Variants in PDE4D observed in about 807,000 individuals in gnomAD.
PDE4D encodes 3',5'-cyclic-AMP phosphodiesterase 4D.
In PDE4D, 24 loss-of-function variants were observed where a neutral mutation model predicts 87.4. The ratio of observed to expected loss-of-function variants is 0.27; its 90% CI spans 0.20 to 0.39. The LOEUF is 0.39. PDE4D is among the 10% of genes least tolerant of loss of function. The probability of loss-of-function intolerance (pLI) is 1.00; values close to 1 mark genes in which losing one functional copy is unlikely to be tolerated. For synonymous variants in PDE4D, 384 were observed against 383.2 expected (o/e 1.00, Z -0.02); for missense variants, 714 against 1,041.0 (o/e 0.69, Z 4.32).
intron 3 of PDE4D, among the ~76,000 whole-genome samples, chr5:59,956,287 G>GC (rs1286365941): frequency 1.3e-5 from 2 of 152,118 alleles, no homozygotes; most frequent in African/African-American, 4.8e-5. Context: ...CCTGAACACA[G>GC]CCCCTTCCCC....
intron 5 of PDE4D, among the ~76,000 whole-genome samples, chr5:59,125,677 A>C (rs1171561487): frequency 6.6e-6 from 1 of 152,174 alleles, no homozygotes; most frequent in African/African-American, 2.4e-5. Flanking sequence ...CACTGCAGGA[A>C]ATGATCTGGA....
At chr5:59,866,382 C>T (rs997532711) in intron 1 of PDE4D, among the ~76,000 whole-genome samples, 2 of 152,050 alleles carry the variant, frequency 1.3e-5, no homozygotes, top group African/African-American at 4.8e-5. Flanking sequence ...AGAATAAGTG[C>T]TTTTTCATAT....
chr5:59,597,726 T>A (rs540730183), intron 1 of PDE4D, among the ~76,000 whole-genome samples: 26 of 152,242 alleles, frequency 1.7e-4, no homozygotes, highest in African/African-American at 6.3e-4. Flanking sequence ...TTTAGAATAA[T>A]TAATAGTTTC....
chr5:59,198,535 C>T (rs1581321301), intron 2 of PDE4D, among the ~76,000 whole-genome samples: 1 of 152,114 alleles, frequency 6.6e-6, no homozygotes, highest in Non-Finnish European at 1.5e-5. Context: ...TGTCACCTTC[C>T]CTGGTTACCA....
chr5:59,589,948 G>T (rs1206756209), intron 1 of PDE4D, among the ~76,000 whole-genome samples: 1 of 152,054 alleles, frequency 6.6e-6, no homozygotes, highest in Admixed American at 6.6e-5. Flanking sequence ...ACACAACTGA[G>T]AAACTATGAT....
intron 1 of PDE4D, among the ~76,000 whole-genome samples, chr5:60,519,947 A>G (rs1750961982): frequency 6.6e-6 from 1 of 152,226 alleles, no homozygotes; most frequent in Non-Finnish European, 1.5e-5. Context: ...CTTGGAGTAA[A>G]TGGATTTAAA....
At chr5:60,171,031 G>T (rs1390082610) in intron 2 of PDE4D, among the ~76,000 whole-genome samples, 3 of 151,980 alleles carry the variant, frequency 2.0e-5, no homozygotes, top group African/African-American at 7.2e-5. Context: ...CTATCTTCTA[G>T]ATACTTCAAA....
At chr5:59,803,669 T>C (rs888536292) in intron 1 of PDE4D, among the ~76,000 whole-genome samples, 1 of 152,158 alleles carries the variant, frequency 6.6e-6, no homozygotes, top group African/African-American at 2.4e-5. Context: ...ATCCTAAAGT[T>C]TGAGAACGAG....
chr5:60,254,180 G>T (rs1357052910), intron 1 of PDE4D, among the ~76,000 whole-genome samples: 1 of 151,876 alleles, frequency 6.6e-6, no homozygotes, highest in African/African-American at 2.4e-5. Flanking sequence ...TGATCCCTTT[G>T]TTCTTGGGCT....
chr5:59,367,059 G>C (rs538328667), intron 1 of PDE4D, among the ~76,000 whole-genome samples: 12 of 152,164 alleles, frequency 7.9e-5, no homozygotes, highest in Non-Finnish European at 1.8e-4. Flanking sequence ...GTGTTCTCAG[G>C]TGCTCCAAGA....
intron 1 of PDE4D, among the ~76,000 whole-genome samples, chr5:59,686,583 C>G (rs1749901452): frequency 6.6e-6 from 1 of 151,978 alleles, no homozygotes; most frequent in Non-Finnish European, 1.5e-5. Flanking sequence ...ATGAACAATG[C>G]CTAGTACACA....
At chr5:59,319,849 T>C (rs1774402747) in intron 1 of PDE4D, among the ~76,000 whole-genome samples, 1 of 151,562 alleles carries the variant, frequency 6.6e-6, no homozygotes, top group Admixed American at 6.6e-5. Context: ...AATTTCCATA[T>C]GAGGAGAAGT....
intron 6 of PDE4D, among the ~76,000 whole-genome samples, chr5:59,023,306 T>C (rs1755571062): frequency 6.6e-6 from 1 of 152,008 alleles, no homozygotes; most frequent in African/African-American, 2.4e-5. Context: ...TAGAAGCACA[T>C]AGATCTTATA....
intron 1 of PDE4D, among the ~76,000 whole-genome samples, chr5:60,408,726 T>G (rs1741786897): frequency 6.6e-6 from 1 of 152,196 alleles, no homozygotes; most frequent in Non-Finnish European, 1.5e-5. Flanking sequence ...TTATCATTTT[T>G]AAGAGGCAGT....
chr5:59,685,257 A>C (rs1466016498), intron 1 of PDE4D, among the ~76,000 whole-genome samples: 1 of 152,184 alleles, frequency 6.6e-6, no homozygotes. Flanking sequence ...GAACTATTTC[A>C]TAGTTTAATC....
chr5:58,974,658 G>A lies in PDE4D; in HGVS notation c.*6C>T. 1.3e-6 allele frequency: 2 copies of A among 1,522,722 alleles called. No homozygotes were observed. The highest frequency in any genetic ancestry group is 1.8e-6 in the Non-Finnish European group (2 of 1,135,068). The allele number at this position is 1,522,722 out of a possible 1,614,324, so 94.3% of individuals were successfully genotyped here. On this transcript the variant is annotated 3_prime_UTR_variant, in exon 15 of 15. Transcript: ENST00000340635. ...AAAAAAAAAAGGCATGAAAGTTTTT[G>A]CACTGTTACGTGTCAGGAGAACGAT...
intron 1 of PDE4D, among the ~76,000 whole-genome samples, chr5:60,193,427 T>G (rs913809247): frequency 6.6e-6 from 1 of 151,706 alleles, no homozygotes; most frequent in Non-Finnish European, 1.5e-5. Flanking sequence ...TCCCAGCACT[T>G]TGGGAGGCCG....
At chr5:59,698,593 T>C (rs987546820) in intron 1 of PDE4D, among the ~76,000 whole-genome samples, 2 of 152,114 alleles carry the variant, frequency 1.3e-5, no homozygotes, top group Non-Finnish European at 2.9e-5. Flanking sequence ...AGCCCACACA[T>C]AGTGCTTAGA....
chr5:59,964,362 G>C (rs975593626), intron 3 of PDE4D, among the ~76,000 whole-genome samples: 15 of 152,092 alleles, frequency 9.9e-5, no homozygotes, highest in African/African-American at 3.6e-4. Context: ...TAATCTAATG[G>C]CAAGTATCCC....
Sources: allele counts gnomAD v4.1 joint callset (sites outside exome capture counted in the v4.1 genomes callset), GRCh38; gene constraint gnomAD v4.1.1; transcripts MANE v1.5; gene names NCBI Gene and HGNC (gene_info 2026-07-23, HGNC 2026-07-21).